ACACA: variants seen among roughly 807,000 people sequenced by gnomAD.
ACACA encodes the protein acetyl-CoA carboxylase 1.
Under a neutral mutation model 296.1 loss-of-function variants are expected in ACACA, and 103 were observed. The observed-to-expected ratio is 0.35, with a 90% CI of 0.30 to 0.41. The LOEUF is 0.41. Ranked by LOEUF, ACACA falls within the 10% of genes least tolerant of loss-of-function variation. The pLI is 1.00. For missense variants in ACACA, 1,554 were observed against 2,989.7 expected (o/e 0.52, Z 11.20); for synonymous variants, 953 against 1,038.6 (o/e 0.92, Z 1.58).
chr17:37,279,812 T>C (rs2082431628), intron 5 of ACACA, among the ~76,000 whole-genome samples: 1 of 152,056 alleles, frequency 6.6e-6, no homozygotes, highest in African/African-American at 2.4e-5. Flanking sequence ...CTCTCACCTA[T>C]TGTCCCACCT....
chr17:37,192,407 C>T, intron 36 of ACACA, 102 bp from the exon 37 acceptor site: 3 of 1,107,452 alleles, frequency 2.7e-6, no homozygotes, highest in Non-Finnish European at 4.0e-6. Context: ...GAAACATAAG[C>T]TATGATGTGC....
intron 5 of ACACA, among the ~76,000 whole-genome samples, chr17:37,280,204 T>C (rs2146535825): frequency 6.6e-6 from 1 of 152,264 alleles, no homozygotes; most frequent in East Asian, 1.9e-4. Context: ...TTAGATTTCT[T>C]TTTTGTTTGT....
At chr17:37,361,844 A>G (rs1254408249) in intron 1 of ACACA, among the ~76,000 whole-genome samples, 1 of 152,206 alleles carries the variant, frequency 6.6e-6, no homozygotes, top group Admixed American at 6.5e-5. Flanking sequence ...TATGAGACTA[A>G]CAAATGGAAG....
chr17:37,241,902 G>A (rs1408720562), intron 23 of ACACA, 51 bp downstream of exon 23: 2 of 1,433,248 alleles, frequency 1.4e-6, no homozygotes, highest in African/African-American at 1.6e-5. Context: ...TTGAAAGAAA[G>A]GAAGACATGA....
chr17:37,103,402 G>A (rs901930851), intron 52 of ACACA, among the ~76,000 whole-genome samples: 1 of 152,194 alleles, frequency 6.6e-6, no homozygotes, highest in Non-Finnish European at 1.5e-5. Flanking sequence ...GATCAATGCT[G>A]TAAGCTCCCT....
At chr17:37,299,537 C>CGG in intron 3 of ACACA, 1 of 1,423,670 alleles carries the variant, frequency 7.0e-7, no homozygotes, top group Non-Finnish European at 9.2e-7. Flanking sequence ...TTCCTTCTTT[C>CGG]CCCACCTTTC....
At chr17:37,139,166 T>C (rs976630378) in intron 45 of ACACA, among the ~76,000 whole-genome samples, 1 of 152,116 alleles carries the variant, frequency 6.6e-6, no homozygotes, top group Non-Finnish European at 1.5e-5. Context: ...CATATGAAGG[T>C]GTAACACACA....
intron 38 of ACACA, among the ~76,000 whole-genome samples, chr17:37,188,935 CT>C (rs934336506): frequency 2.6e-5 from 4 of 152,140 alleles, no homozygotes; most frequent in Admixed American, 2.6e-4. Context: ...CCACCATGAG[CT>C]TTTTTTCATA....
intron 1 of ACACA, chr17:37,388,528 A>C (rs2050650398): frequency 2.1e-6 from 2 of 958,356 alleles, no homozygotes; most frequent in Non-Finnish European, 1.5e-6. Context: ...CCTGAGTTTG[A>C]ATTGGAAATT....
chr17:37,144,768 T>A (rs530044283), intron 45 of ACACA, among the ~76,000 whole-genome samples: 1 of 151,912 alleles, frequency 6.6e-6, no homozygotes. Context: ...GCAGATTCAG[T>A]GGAAATAGGG....
At chr17:37,156,903 C>T (rs2076275096) in intron 42 of ACACA, among the ~76,000 whole-genome samples, 1 of 152,196 alleles carries the variant, frequency 6.6e-6, no homozygotes, top group Admixed American at 6.5e-5. Flanking sequence ...GTTGAGAATG[C>T]CTGACAGCAC....
In ACACA at chr17:37,135,912, C is replaced by CT. The variant is rs746761290; in HGVS notation, c.5680-5695dup. 7.8e-3 allele frequency among the ~76,000 whole-genome samples: 1,077 copies of CT among 137,702 alleles called. 2 individuals are homozygous for CT. Among genetic ancestry groups the CT allele is most frequent in the African/African-American group, 0.013 (480 of 37,444 alleles). 90.3% of individuals were successfully genotyped at this position (137,702 alleles called of 152,430 possible). The stretch of plus-strand genomic sequence containing the variant: ...GATAAGTTAATTCCAAACAGGAATT[C>CT]TTTTTTTTTTTTTTTTGTAGAGACA... On this transcript the variant is annotated intron_variant, in intron 45 of 55. Coordinates refer to ENST00000616317, the MANE Select transcript of ACACA (RefSeq NM_198834.3).
rs187967342 is a variant in ACACA at position 37,386,096 on chromosome 17, A to G, written c.38+20166T>C. 12 of 1,592,620 alleles carry G rather than the reference A, an allele frequency of 7.5e-6. 1 individual carries two copies. In the African/African-American group the frequency reaches 1.2e-4, roughly 16 times the overall value. Reference sequence around the variant, plus strand: ...ACTGCCCCTTCTATAACTCCTGGGAATAAAGAAGGAGAGAAAACTACAAGT... The same window carrying G: ...ACTGCCCCTTCTATAACTCCTGGGAGTAAAGAAGGAGAGAAAACTACAAGT... On this transcript the variant is annotated intron_variant, in intron 1 of 55. Transcript: ENST00000616317.
intron 52 of ACACA, among the ~76,000 whole-genome samples, chr17:37,105,864 CAAAA>C (rs61529137): frequency 5.2e-5 from 6 of 115,514 alleles, no homozygotes; most frequent in Non-Finnish European, 6.1e-5. Context: ...AACTCTGTCT[CAAAA>C]AAAAAAAAAA....
At chr17:37,401,404 GC>G (rs1441899113) in intron 1 of ACACA, among the ~76,000 whole-genome samples, 2 of 151,754 alleles carry the variant, frequency 1.3e-5, no homozygotes, top group African/African-American at 4.8e-5. Flanking sequence ...GGTTGGCCCG[GC>G]TGGTCTCGAA....
At chr17:37,271,075 T>TA (rs2082045709) in intron 9 of ACACA, among the ~76,000 whole-genome samples, 2 of 152,176 alleles carry the variant, frequency 1.3e-5, no homozygotes, top group Admixed American at 6.5e-5. Flanking sequence ...TTCATAGATT[T>TA]AAAAAAATGA....
rs1597856401 is a variant in ACACA at position 37,113,804 on chromosome 17, T to C, written c.6275-539A>G. ...GATATCCCTGCCCAGTGCCTGAACATAGTTAGTGCTCAACAAATATCTGCT... is the reference window on the plus strand; with the variant it reads ...GATATCCCTGCCCAGTGCCTGAACACAGTTAGTGCTCAACAAATATCTGCT... On this transcript the variant is annotated intron_variant, in intron 50 of 55. Coordinates refer to ENST00000616317, the MANE Select transcript of ACACA (RefSeq NM_198834.3). This position sits in a 1 kb window ranked among gnomAD's most constrained non-coding sequence, Gnocchi z 4.0. Among the ~76,000 whole-genome samples the C allele has an allele frequency of 2.0e-5, 3 of 152,330 alleles. No homozygotes were observed. The highest frequency in any genetic ancestry group is 3.9e-4 in the East Asian group (2 of 5,192).
intron 43 of ACACA, among the ~76,000 whole-genome samples, chr17:37,153,137 T>G (rs2076108443): frequency 6.6e-6 from 1 of 152,204 alleles, no homozygotes; most frequent in African/African-American, 2.4e-5. Flanking sequence ...CATATAGTCA[T>G]AAATATTCAA....
intron 54 of ACACA, among the ~76,000 whole-genome samples, chr17:37,093,652 G>A (rs530464374): frequency 1.3e-3 from 191 of 152,084 alleles, no homozygotes; most frequent in African/African-American, 4.3e-3. Flanking sequence ...TGTGTGCCAC[G>A]ACACCGAGCA....
Sources: gnomAD v4.1 joint callset for allele counts (sites outside exome capture counted in the v4.1 genomes callset) on GRCh38, gnomAD v4.1.1 for gene constraint, Gnocchi (gnomAD v3.1) non-coding constraint, MANE v1.5 for transcripts, NCBI Gene and HGNC (gene_info 2026-07-23, HGNC 2026-07-21) for gene names.